SPAG16: variants seen among roughly 807,000 people sequenced by gnomAD.
SPAG16 encodes the protein sperm-associated antigen 16 protein.
SPAG16 carries 86 observed loss-of-function variants against 80.4 expected under a neutral mutation model. The ratio of observed to expected loss-of-function variants is 1.07; its 90% CI spans 0.90 to 1.28. The LOEUF (loss-of-function observed/expected upper bound fraction) is 1.28. Ranked by LOEUF, SPAG16 falls within the 50% of genes most tolerant of loss-of-function variation. The pLI is 0.00. For synonymous variants in SPAG16, 294 were observed against 265.9 expected (o/e 1.11, Z -1.03); for missense variants, 870 against 765.3 (o/e 1.14, Z -1.61).
At chr2:214,407,697 AT>A (rs1702071392) in intron 15 of SPAG16, among the ~76,000 whole-genome samples, 2 of 152,132 alleles carry the variant, frequency 1.3e-5, no homozygotes, top group Admixed American at 1.3e-4. Flanking sequence ...AGACTATGGC[AT>A]TTTTTATTTT....
At chr2:214,339,475 C>T (rs1307781367) in intron 15 of SPAG16, among the ~76,000 whole-genome samples, 3 of 152,090 alleles carry the variant, frequency 2.0e-5, no homozygotes, top group Non-Finnish European at 2.9e-5. Context: ...TTTAATTTTC[C>T]ATCACTATTT....
At chr2:214,273,858 T>C (rs555539160) in intron 15 of SPAG16, among the ~76,000 whole-genome samples, 2 of 152,338 alleles carry the variant, frequency 1.3e-5, no homozygotes, top group East Asian at 3.9e-4. Context: ...TTGATGGGGA[T>C]TGCACTGAAT....
chr2:213,353,177 G>A (rs1207308646), intron 7 of SPAG16, among the ~76,000 whole-genome samples: 2 of 152,136 alleles, frequency 1.3e-5, no homozygotes, highest in Non-Finnish European at 2.9e-5. Context: ...ATAGTTCCTG[G>A]GTAGTTCTTT....
At chr2:214,185,471 C>A (rs181423122) in intron 15 of SPAG16, among the ~76,000 whole-genome samples, 140 of 151,844 alleles carry the variant, frequency 9.2e-4, no homozygotes, top group African/African-American at 3.1e-3. Context: ...CTTAAATGTC[C>A]CTGAAAGAAT....
In SPAG16 at chr2:214,202,953, C is replaced by G. The variant is rs376581148; in HGVS notation, c.1720+53687C>G. ...GAAACAGACCTGAGAGAATTGCCTTCTCTTTTGGTACAAAAAAAATCTAAA... is the reference window on the plus strand; with the variant it reads ...GAAACAGACCTGAGAGAATTGCCTTGTCTTTTGGTACAAAAAAAATCTAAA... On this transcript the variant is annotated intron_variant, in intron 15 of 15. Coordinates refer to ENST00000331683, the MANE Select transcript of SPAG16 (RefSeq NM_024532.5). 8.5e-5 allele frequency among the ~76,000 whole-genome samples: 13 copies of G among 152,278 alleles called. 1 individual carries two copies. The highest frequency in any genetic ancestry group is 3.1e-4 in the African/African-American group (13 of 41,562).
rs142763185 is a variant in SPAG16, at chr2:213,353,496, T to A, written c.762+2851T>A. 6.6e-5 allele frequency among the ~76,000 whole-genome samples: 10 copies of A among 152,328 alleles called. 1 individual carries two copies. The highest frequency in any genetic ancestry group is 2.4e-4 in the African/African-American group (10 of 41,576). ...TAGCACAATGTAAAATATGAAGGAC[T>A]CTTTAAGGGGTTGTCAATTTTCCTA... On this transcript the variant is annotated intron_variant, in intron 7 of 15. Transcript: ENST00000331683.
intron 15 of SPAG16, among the ~76,000 whole-genome samples, chr2:214,189,164 A>G (rs1315749004): frequency 1.3e-5 from 2 of 152,118 alleles, no homozygotes; most frequent in Non-Finnish European, 2.9e-5. Context: ...CGAATGACAG[A>G]CTCACAACAT....
intron 15 of SPAG16, among the ~76,000 whole-genome samples, chr2:214,244,857 G>C (rs1576583471): frequency 1.3e-5 from 2 of 152,106 alleles, no homozygotes; most frequent in Middle Eastern, 6.8e-3. Context: ...ACAAGACTTT[G>C]TTTAGAAGTT....
chr2:213,712,682 A>G (rs2125364904), intron 10 of SPAG16, among the ~76,000 whole-genome samples: 1 of 152,248 alleles, frequency 6.6e-6, no homozygotes, highest in Admixed American at 6.5e-5. Context: ...CTTTCCTTCC[A>G]TATCAAGTGA....
At chr2:213,416,703 G>A (rs901263482) in intron 9 of SPAG16, among the ~76,000 whole-genome samples, 4 of 152,260 alleles carry the variant, frequency 2.6e-5, no homozygotes, top group Non-Finnish European at 5.9e-5. Flanking sequence ...AAAGAGGAGC[G>A]TTTTGTATTC....
intron 10 of SPAG16, among the ~76,000 whole-genome samples, chr2:213,638,151 C>G (rs560456692): frequency 6.6e-6 from 1 of 152,278 alleles, no homozygotes; most frequent in East Asian, 1.9e-4. Flanking sequence ...CTTTATTAAT[C>G]TCACTAATAG....
chr2:214,139,605 A>G (rs1301333020), intron 14 of SPAG16, among the ~76,000 whole-genome samples: 1 of 152,150 alleles, frequency 6.6e-6, no homozygotes, highest in Non-Finnish European at 1.5e-5. Context: ...ACAAATTTTT[A>G]TTAATAATGG....
intron 13 of SPAG16, among the ~76,000 whole-genome samples, chr2:214,041,965 TGTGTCTGTG>T (rs2049034555): frequency 1.4e-5 from 1 of 70,458 alleles, no homozygotes; most frequent in African/African-American, 4.2e-5. Context: ...TATATATTTG[TGTGTCTGTG>T]TGTGTATATA....
intron 13 of SPAG16, among the ~76,000 whole-genome samples, chr2:214,089,630 C>T (rs1250714375): frequency 1.3e-5 from 2 of 151,976 alleles, no homozygotes; most frequent in East Asian, 3.9e-4. Context: ...AAGTCCAGAA[C>T]ACTATATGTA....
At chr2:214,260,720 T>G (rs1252053775) in intron 15 of SPAG16, among the ~76,000 whole-genome samples, 1 of 152,124 alleles carries the variant, frequency 6.6e-6, no homozygotes, top group African/African-American at 2.4e-5. Flanking sequence ...CTACTTACCC[T>G]CAAACACATA....
chr2:213,953,542 G>A (rs531454884), intron 12 of SPAG16, among the ~76,000 whole-genome samples: 7 of 151,428 alleles, frequency 4.6e-5, no homozygotes, highest in Non-Finnish European at 8.9e-5. Flanking sequence ...ACACATACAC[G>A]TGACACATAC....
intron 1 of SPAG16, among the ~76,000 whole-genome samples, chr2:213,289,512 A>T (rs995180678): frequency 3.9e-5 from 6 of 152,160 alleles, no homozygotes; most frequent in Non-Finnish European, 2.9e-5. Context: ...TGTGGTAAAA[A>T]CTGCAGGGAG....
intron 10 of SPAG16, among the ~76,000 whole-genome samples, chr2:213,611,882 C>T (rs967095100): frequency 2.6e-5 from 4 of 152,130 alleles, no homozygotes; most frequent in Non-Finnish European, 4.4e-5. Context: ...TTCCCTATGG[C>T]GCTTCACAGA....
At chr2:213,928,395 T>G (rs1050206680) in intron 11 of SPAG16, among the ~76,000 whole-genome samples, 1 of 151,976 alleles carries the variant, frequency 6.6e-6, no homozygotes, top group Non-Finnish European at 1.5e-5. Context: ...CCTGGCCCCT[T>G]GGATATTCTT....
Sources: gnomAD v4.1 joint callset for allele counts (sites outside exome capture counted in the v4.1 genomes callset) on GRCh38, gnomAD v4.1.1 for gene constraint, MANE v1.5 for transcripts, NCBI Gene and HGNC (gene_info 2026-07-23, HGNC 2026-07-21) for gene names.